Variants in ROBO2 observed in about 807,000 individuals in gnomAD.
ROBO2 encodes the protein roundabout homolog 2.
In ROBO2, 53 loss-of-function variants were observed where a neutral mutation model predicts 160.8. That is an observed-to-expected ratio of 0.33 (90% CI 0.26 to 0.41). The LOEUF is 0.41. ROBO2 is among the 10% of genes least tolerant of loss of function. ROBO2 has a pLI of 1.00. For synonymous variants in ROBO2, 664 were observed against 611.7 expected (o/e 1.09, Z -1.26); for missense variants, 1,577 against 1,722.4 (o/e 0.92, Z 1.49).
At chr3:77,332,687 A>G (rs1033988379) in intron 2 of ROBO2, among the ~76,000 whole-genome samples, 2 of 152,212 alleles carry the variant, frequency 1.3e-5, no homozygotes, top group Non-Finnish European at 2.9e-5. Context: ...TATTTGTGTA[A>G]TTAGGCATTA....
intron 2 of ROBO2, among the ~76,000 whole-genome samples, chr3:76,930,586 A>C (rs1302027921): frequency 2.6e-5 from 4 of 152,162 alleles, no homozygotes; most frequent in Non-Finnish European, 5.9e-5. Context: ...TATACAAGAC[A>C]TTTATTATGG....
At chr3:76,867,136 A>C (rs572651258) in intron 2 of ROBO2, among the ~76,000 whole-genome samples, 1 of 152,320 alleles carries the variant, frequency 6.6e-6, no homozygotes, top group South Asian at 2.1e-4. Flanking sequence ...GAGTATTAAC[A>C]CTAGCCTAGA....
chr3:76,586,706 TGA>T (rs1371809828), intron 2 of ROBO2, among the ~76,000 whole-genome samples: 1 of 152,228 alleles, frequency 6.6e-6, no homozygotes, highest in Non-Finnish European at 1.5e-5. Context: ...TTAGATCATG[TGA>T]GTTATTATTT....
chr3:76,799,233 C>CA (rs34562249), intron 2 of ROBO2, among the ~76,000 whole-genome samples: 49,261 of 147,528 alleles, frequency 0.33, 9,205 homozygotes, highest in Non-Finnish European at 0.43. Flanking sequence ...AAAAACAAAA[C>CA]AAAAAAAAAA....
At chr3:76,497,053 T>A (rs1400113482) in intron 2 of ROBO2, among the ~76,000 whole-genome samples, 3 of 152,190 alleles carry the variant, frequency 2.0e-5, no homozygotes, top group Non-Finnish European at 2.9e-5. Context: ...TTTTGTGGCT[T>A]CTGTCTCCTT....
At position 76,831,770 on chromosome 3, in the gene ROBO2, A is replaced by G. The variant is rs1021991216; in HGVS notation, c.110-266244A>G. Among the ~76,000 whole-genome samples the G allele has an allele frequency of 2.6e-5, 4 of 152,176 alleles. No individual in the cohort carries two copies. The South Asian group carries it at 6.2e-4, about 24-fold the overall frequency. On this transcript the variant is annotated intron_variant, in intron 2 of 26. Transcript: ENST00000487694. ...AGAAATCCCAACATAAATTATTTTA[A>G]ACATTGTAGGATATTCATTAGACCA...
intron 2 of ROBO2, among the ~76,000 whole-genome samples, chr3:76,236,952 T>G (rs751640298): frequency 1.3e-5 from 2 of 152,108 alleles, no homozygotes; most frequent in African/African-American, 2.4e-5. Context: ...ATTTTATGAG[T>G]TAAATTACCA....
intron 2 of ROBO2, among the ~76,000 whole-genome samples, chr3:77,387,837 T>C (rs4684003): frequency 0.82 from 125,313 of 152,004 alleles, 51,841 homozygotes; most frequent in East Asian, 1. Context: ...CTCCTTTTGT[T>C]CTGCACCTTG....
At chr3:76,795,673 A>G (rs1428769811) in intron 2 of ROBO2, among the ~76,000 whole-genome samples, 1 of 151,980 alleles carries the variant, frequency 6.6e-6, no homozygotes, top group African/African-American at 2.4e-5. Flanking sequence ...AACTTCTCAA[A>G]CTCATCCATG....
At chr3:77,271,326 C>G (rs1560393211) in intron 2 of ROBO2, among the ~76,000 whole-genome samples, 1 of 152,194 alleles carries the variant, frequency 6.6e-6, no homozygotes, top group Non-Finnish European at 1.5e-5. Context: ...TCTCCAGAAA[C>G]AGACGGAAAG....
At chr3:77,535,450 G>A (rs1003669516) in intron 6 of ROBO2, among the ~76,000 whole-genome samples, 1 of 152,048 alleles carries the variant, frequency 6.6e-6, no homozygotes, top group Admixed American at 6.6e-5. Context: ...GGTATGAGAA[G>A]TCAAGTTTTC....
At chr3:76,247,311 G>T (rs1705680786) in intron 2 of ROBO2, among the ~76,000 whole-genome samples, 1 of 152,016 alleles carries the variant, frequency 6.6e-6, no homozygotes, top group Non-Finnish European at 1.5e-5. Context: ...ATCTCCCCAG[G>T]ATAACTTTAG....
chr3:76,731,572 A>G (rs938900080), intron 2 of ROBO2, among the ~76,000 whole-genome samples: 1 of 152,128 alleles, frequency 6.6e-6, no homozygotes, highest in Non-Finnish European at 1.5e-5. Flanking sequence ...GCATTGAATG[A>G]CCAGATTGAA....
intron 6 of ROBO2, among the ~76,000 whole-genome samples, chr3:77,543,837 C>T (rs534559279): frequency 6.6e-6 from 1 of 152,122 alleles, no homozygotes; most frequent in Non-Finnish European, 1.5e-5. Context: ...TTCTTTCTGG[C>T]CCAAAGCAGT....
intron 2 of ROBO2, among the ~76,000 whole-genome samples, chr3:76,303,820 T>C (rs1027403): frequency 0.014 from 2,132 of 152,292 alleles, 16 homozygotes; most frequent in Non-Finnish European, 0.022. Context: ...CTGATCTCTT[T>C]GCAGATTCAG....
intron 2 of ROBO2, among the ~76,000 whole-genome samples, chr3:77,294,490 A>G (rs1422426248): frequency 3.4e-5 from 5 of 145,806 alleles, no homozygotes; most frequent in Non-Finnish European, 4.5e-5. Flanking sequence ...CTGAGGCTAG[A>G]TCACCCCAGA....
At chr3:76,504,604 T>C (rs1442749108) in intron 2 of ROBO2, among the ~76,000 whole-genome samples, 3 of 143,900 alleles carry the variant, frequency 2.1e-5, no homozygotes, top group African/African-American at 5.2e-5. Context: ...TCTCAGCTCA[T>C]TGCAACCTCT....
chr3:76,640,510 G>A (rs2090602538), intron 2 of ROBO2, among the ~76,000 whole-genome samples: 1 of 151,108 alleles, frequency 6.6e-6, no homozygotes, highest in Admixed American at 6.6e-5. Flanking sequence ...CATCCAGCCT[G>A]GGCAACGAGT....
intron 1 of ROBO2, among the ~76,000 whole-genome samples, chr3:77,049,886 A>T (rs543612363): frequency 6.6e-6 from 1 of 152,240 alleles, no homozygotes; most frequent in African/African-American, 2.4e-5. Flanking sequence ...TGCAGCACTT[A>T]TAACCAATTA....
Sources: gnomAD v4.1 joint callset for allele counts (sites outside exome capture counted in the v4.1 genomes callset) on GRCh38, gnomAD v4.1.1 for gene constraint, MANE v1.5 for transcripts, NCBI Gene and HGNC (gene_info 2026-07-23, HGNC 2026-07-21) for gene names.